The following ZFP64 variants were observed in gnomAD, a reference collection of about 807,000 sequenced individuals.
The protein encoded by ZFP64 is zinc finger protein 64.
Under a neutral mutation model 51.6 loss-of-function variants are expected in ZFP64, and 14 were observed. The observed-to-expected ratio is 0.27, with a 90% CI of 0.18 to 0.42. The LOEUF is 0.42. Ranked by LOEUF, ZFP64 falls within the 10% of genes least tolerant of loss-of-function variation. ZFP64 has a pLI of 1.00. For synonymous variants in ZFP64, 375 were observed against 361.4 expected, an observed-to-expected ratio of 1.04 and a Z score of -0.43; for missense variants, 754 against 906.8, an observed-to-expected ratio of 0.83 and a Z score of 2.16.
intron 2 of ZFP64, among the ~76,000 whole-genome samples, chr20:52,176,505 C>CTTTTTTTTTTTTTTTTTTTTTTTT (rs557663780): frequency 7.3e-6 from 1 of 136,724 alleles, no homozygotes; most frequent in African/African-American, 2.8e-5. Context: ...TTCAATCTCT[C>CTTTTTTTTTTTTTTTTTTTTTTTT]TTTTTTTTTT....
intron 5 of ZFP64, chr20:52,104,648 G>C (rs1238686348): frequency 4.3e-6 from 2 of 470,178 alleles, no homozygotes; most frequent in Non-Finnish European, 8.8e-6. Context: ...TCTTCCCCCG[G>C]GTACCTGCAC....
chr20:52,181,051 TC>T (rs1342890654), intron 2 of ZFP64, among the ~76,000 whole-genome samples: 1 of 152,192 alleles, frequency 6.6e-6, no homozygotes, highest in African/African-American at 2.4e-5. Flanking sequence ...CAAGCGATTC[TC>T]CTGCCTCAGC....
At chr20:52,087,617 T>A (rs558122452) in intron 8 of ZFP64, among the ~76,000 whole-genome samples, 244 of 152,370 alleles carry the variant, frequency 1.6e-3, no homozygotes, top group Non-Finnish European at 2.4e-3. Flanking sequence ...GAAAGTAGAC[T>A]GGTTTAATGA....
At chr20:52,149,733 G>GTGTA, downstream of ZFP64, among the ~76,000 whole-genome samples, 1 of 152,218 alleles carries the variant, frequency 6.6e-6, no homozygotes, top group East Asian at 1.9e-4. Flanking sequence ...ATATGCATGT[G>GTGTA]TGTACATCTC....
intron 2 of ZFP64, among the ~76,000 whole-genome samples, chr20:52,184,032 C>T (rs777948482): frequency 6.6e-6 from 1 of 152,072 alleles, no homozygotes; most frequent in Non-Finnish European, 1.5e-5. Flanking sequence ...TGTATTTTTA[C>T]TAGAGATGAG....
At chr20:52,093,936 T>C (rs2078956923) in intron 7 of ZFP64, among the ~76,000 whole-genome samples, 1 of 152,204 alleles carries the variant, frequency 6.6e-6, no homozygotes, top group South Asian at 2.1e-4. Flanking sequence ...ACATTTAACA[T>C]TGATGATTAT....
rs530319802 is a variant in ZFP64, at chr20:52,090,196, C to T, written c.977-1553G>A. ...TTCAGAACCCTAAGAAGGGTGAGATCTGGAAGCTTCCAGAAAGAAAACCAC... is the reference window on the plus strand; with the variant it reads ...TTCAGAACCCTAAGAAGGGTGAGATTTGGAAGCTTCCAGAAAGAAAACCAC... On this transcript the variant is annotated intron_variant, in intron 7 of 8. Transcript: ENST00000361387. Among the ~76,000 whole-genome samples the T allele has an allele frequency of 1.1e-4, 16 of 152,280 alleles. No homozygotes were observed. In the East Asian group the frequency reaches 3.1e-3, roughly 29 times the overall value.
chr20:52,120,137 G>T (rs1979107476), intron 5 of ZFP64, among the ~76,000 whole-genome samples: 2 of 152,238 alleles, frequency 1.3e-5, no homozygotes, highest in Non-Finnish European at 2.9e-5. Flanking sequence ...CAGCTAGAAG[G>T]TGCCATTTAT....
intron 8 of ZFP64, among the ~76,000 whole-genome samples, chr20:52,086,563 C>T (rs919905778): frequency 2.0e-5 from 3 of 151,736 alleles, no homozygotes; most frequent in Non-Finnish European, 4.4e-5. Context: ...CTGCAAGCTC[C>T]GCCTCCCAGG....
intron 5 of ZFP64, among the ~76,000 whole-genome samples, chr20:52,145,664 G>A (rs1980489497): frequency 6.6e-6 from 1 of 151,920 alleles, no homozygotes; most frequent in Non-Finnish European, 1.5e-5. Flanking sequence ...CAAAACAAAA[G>A]TACAGTAAAA....
Position 52,165,968 on chromosome 20 carries a change from C to T in ZFP64, c.344G>A (p.Ser115Asn). 1.2e-6 allele frequency: 2 copies of T among 1,614,048 alleles called. No individual in the cohort carries two copies. The highest frequency in any genetic ancestry group is 1.7e-6 in the Non-Finnish European group (2 of 1,180,000). Reference protein sequence around the residue: ...HGYQTYLPTESNENQTATVIS... With the variant: ...HGYQTYLPTENNENQTATVIS... ...GACAGTGGCTGTCTGGTTTTCATTA[C>T]TTTCCGTGGGCAGGTAAGTTTGATA... The change falls in exon 3 of 6, where the codon AGT (serine) becomes AAT (asparagine). Residue 115 changes from serine to asparagine, a missense_variant. Ser to Asn is a conservative substitution (Grantham distance 46). Around this residue, in one of 3 missense-constraint regions of ZFP64, gnomAD observed 231 missense variants for 336.7 expected, o/e 0.69. Coordinates refer to ENST00000216923, the MANE Select transcript of ZFP64 (RefSeq NM_018197.3).
rs797006213 is a variant in ZFP64, at chr20:52,090,927, C to CAAAA, written c.977-2288_977-2285dup. ...CAACACAGTGAGACCCTGACTCTAC[C>CAAAA]AAAAAAAAAAAAAAAAAAAAAAAAA... On this transcript the variant is annotated intron_variant, in intron 7 of 8. Transcript: ENST00000361387. 2.2e-3 allele frequency among the ~76,000 whole-genome samples: 149 copies of CAAAA among 68,046 alleles called. 3 individuals carry two copies. The highest frequency in any genetic ancestry group is 6.5e-3 in the African/African-American group (118 of 18,086). 44.6% of individuals were successfully genotyped at this position (68,046 alleles called of 152,430 possible).
rs754315944 is a variant in ZFP64 at position 52,160,165 on chromosome 20, G to T, written c.721C>A (p.Arg241Ser). ...FKCQICPYAS[R>S]NSSQLTVHLR... Reference sequence around the variant, plus strand: ...TGGACAGTGAGCTGGCTGGAGTTGCGGCTGGCGTAGGGGCAGATCTGGCAT... The same window carrying T: ...TGGACAGTGAGCTGGCTGGAGTTGCTGCTGGCGTAGGGGCAGATCTGGCAT... Residue 241 changes from arginine (R) to serine (S), a missense_variant, in exon 5 of 6, where the codon CGC becomes AGC. Physicochemically the swap from Arg to Ser is moderately radical, Grantham distance 110. This residue lies in a region of ZFP64 where 231 missense variants were observed against 336.7 expected (regional missense o/e 0.69). Coordinates refer to ENST00000216923, the MANE Select transcript of ZFP64 (RefSeq NM_018197.3). The surrounding 1 kb of genome is among the most constrained non-coding windows in gnomAD (Gnocchi z 4.2). 1.2e-6 allele frequency: 2 copies of T among 1,614,036 alleles called. No individual in the cohort carries two copies. Among genetic ancestry groups the T allele is most frequent in the African/African-American group, 2.7e-5 (2 of 74,906 alleles).
In ZFP64 at chr20:52,151,384, T is replaced by C; in HGVS notation, c.*762A>G. ...TATCCATGTCATATTATGTAGAAAATGGTCCTTCATGCCAACAGACTTACA... is the reference window on the plus strand; with the variant it reads ...TATCCATGTCATATTATGTAGAAAACGGTCCTTCATGCCAACAGACTTACA... On this transcript the variant is annotated 3_prime_UTR_variant, in exon 6 of 6. Coordinates refer to ENST00000216923, the MANE Select transcript of ZFP64 (RefSeq NM_018197.3). The C allele has an allele frequency of 1.0e-6, 1 of 985,376 alleles. No homozygotes were observed. Among genetic ancestry groups the C allele is most frequent in the Non-Finnish European group, 1.2e-6 (1 of 829,930 alleles). 61.0% of individuals were successfully genotyped at this position (985,376 alleles called of 1,614,324 possible).
Position 52,100,965 on chromosome 20 carries a change from A to G in ZFP64, c.764-2378T>C, listed in dbSNP as rs527701513. On this transcript the variant is annotated intron_variant, in intron 5 of 8. Transcript: ENST00000361387. ...GCAGTTGTGCTCGAAGCCCCTTAAC[A>G]AGTGATCTAGTCCAGTGGCTCTCAA... Among the ~76,000 whole-genome samples the G allele has an allele frequency of 1.3e-4, 20 of 152,296 alleles. 1 individual carries two copies. In the South Asian group the frequency reaches 3.9e-3, roughly 30 times the overall value.
At chr20:52,111,004 G>A (rs1450369919) in intron 5 of ZFP64, 5 of 1,493,934 alleles carry the variant, frequency 3.3e-6, no homozygotes, top group Non-Finnish European at 4.7e-6. Flanking sequence ...GAAAGTGACC[G>A]TATCCAGGGG....
Position 52,165,076 on chromosome 20 carries a change from G to A in ZFP64, c.449-319C>T, listed in dbSNP as rs185669021. 6.0e-6 allele frequency: 3 copies of A among 500,272 alleles called. No homozygotes were observed. In the Admixed American group the frequency reaches 6.8e-5, roughly 11 times the overall value. 31.0% of individuals were successfully genotyped at this position (500,272 alleles called of 1,614,324 possible). On this transcript the variant is annotated intron_variant, in intron 3 of 5. Coordinates refer to ENST00000216923, the MANE Select transcript of ZFP64 (RefSeq NM_018197.3). ...GAAAGATAAATGCTTAACTGTTCTTGATTAGAGGAAATGAAAGACATAAAA... is the reference window on the plus strand; with the variant it reads ...GAAAGATAAATGCTTAACTGTTCTTAATTAGAGGAAATGAAAGACATAAAA...
Position 52,169,498 on chromosome 20 carries a change from C to T in ZFP64, c.287-3473G>A, listed in dbSNP as rs377364892. 5.6e-3 allele frequency among the ~76,000 whole-genome samples: 854 copies of T among 152,222 alleles called. 5 individuals are homozygous for T. The highest frequency in any genetic ancestry group is 0.019 in the African/African-American group (772 of 41,542). ...GCCAGGTCCTCCCTACAAGTCAGCTCGCGGGCTCCTCAGCACTCTCTTGAA... is the reference window on the plus strand; with the variant it reads ...GCCAGGTCCTCCCTACAAGTCAGCTTGCGGGCTCCTCAGCACTCTCTTGAA... On this transcript the variant is annotated intron_variant, in intron 2 of 5. Coordinates refer to ENST00000216923, the MANE Select transcript of ZFP64 (RefSeq NM_018197.3).
At chr20:52,115,258 T>G (rs1212917750) in intron 5 of ZFP64, among the ~76,000 whole-genome samples, 1 of 148,624 alleles carries the variant, frequency 6.7e-6, no homozygotes, top group Non-Finnish European at 1.5e-5. Context: ...TGCTTAGAGC[T>G]CTAAGATATA....
Sources: gnomAD v4.1 joint callset for allele counts (sites outside exome capture counted in the v4.1 genomes callset) on GRCh38, gnomAD v4.1.1 for gene constraint, gnomAD v4.1.1 regional missense constraint, Gnocchi (gnomAD v3.1) non-coding constraint, MANE v1.5 for transcripts, NCBI Gene and HGNC (gene_info 2026-07-23, HGNC 2026-07-21) for gene names.